The following MNAT1 variants were observed in gnomAD, a reference collection of about 807,000 sequenced individuals.
MNAT1 encodes MNAT1 component of CDK activating kinase, also known as CDK-activating kinase assembly factor MAT1.
MNAT1 carries 43 observed loss-of-function variants against 42.0 expected under a neutral mutation model. That is an observed-to-expected ratio of 1.02 (90% CI 0.80 to 1.32). The LOEUF (loss-of-function observed/expected upper bound fraction) is 1.32, where lower values mean the gene tolerates loss of function less well. Among genes scored for constraint, MNAT1 ranks in the 40% most tolerant of loss-of-function variants. MNAT1 has a pLI of 0.00. For missense variants in MNAT1, 306 were observed against 350.4 expected (o/e 0.87, Z 1.01); for synonymous variants, 118 against 120.0 (o/e 0.98, Z 0.11).
At position 60,920,624 on chromosome 14, in the gene MNAT1, G is replaced by C. The variant is rs140930742; in HGVS notation, c.809+40789G>C. Among the ~76,000 whole-genome samples, 3 of 151,926 alleles carry C rather than the reference G, an allele frequency of 2.0e-5. No individual in the cohort carries two copies. In the East Asian group the frequency reaches 5.8e-4, roughly 29 times the overall value. On this transcript the variant is annotated intron_variant, in intron 7 of 7. Transcript: ENST00000261245. ...CCCAGTTAATTTTTTTGTATTTTTAGTAGAGACAGGGTTTCACCATGTTGG... is the reference window on the plus strand; with the variant it reads ...CCCAGTTAATTTTTTTGTATTTTTACTAGAGACAGGGTTTCACCATGTTGG...
chr14:60,880,225 A>G (rs1211276201), intron 7 of MNAT1, among the ~76,000 whole-genome samples: 1 of 152,302 alleles, frequency 6.6e-6, no homozygotes, highest in Non-Finnish European at 1.5e-5. Flanking sequence ...TGCACTGTCT[A>G]CAGTGAAACT....
intron 6 of MNAT1, among the ~76,000 whole-genome samples, chr14:60,843,941 C>T (rs2033616021): frequency 6.6e-6 from 1 of 152,022 alleles, no homozygotes; most frequent in Non-Finnish European, 1.5e-5. Context: ...GTTCCTGATC[C>T]ATCTTGTATT....
intron 1 of MNAT1, among the ~76,000 whole-genome samples, chr14:60,750,318 CT>C (rs2064503154): frequency 6.6e-6 from 1 of 151,772 alleles, no homozygotes; most frequent in Non-Finnish European, 1.5e-5. Flanking sequence ...GCTTCGCCTC[CT>C]GGGTTCACGG....
At chr14:60,802,931 CTT>C (rs562133472) in intron 3 of MNAT1, among the ~76,000 whole-genome samples, 17 of 133,290 alleles carry the variant, frequency 1.3e-4, no homozygotes, top group Admixed American at 2.3e-4. Context: ...ATAAATAAAA[CTT>C]TTTTTTTTTT....
intron 7 of MNAT1, among the ~76,000 whole-genome samples, chr14:60,932,203 C>T (rs1041822995): frequency 3.9e-5 from 6 of 151,918 alleles, no homozygotes; most frequent in South Asian, 2.1e-4. Context: ...GACTGACATA[C>T]TAGTTTTTAA....
At chr14:60,790,758 A>G (rs1364251746) in intron 1 of MNAT1, among the ~76,000 whole-genome samples, 1 of 152,216 alleles carries the variant, frequency 6.6e-6, no homozygotes, top group East Asian at 1.9e-4. Context: ...TACTAGTTAT[A>G]TGATTTTAAG....
intron 6 of MNAT1, among the ~76,000 whole-genome samples, chr14:60,839,821 C>T (rs1354032022): frequency 6.6e-6 from 1 of 152,256 alleles, no homozygotes. Flanking sequence ...CACCCTGCTG[C>T]AGCAGCTGGC....
intron 7 of MNAT1, among the ~76,000 whole-genome samples, chr14:60,894,475 T>C (rs1270280530): frequency 6.6e-6 from 1 of 152,148 alleles, no homozygotes; most frequent in East Asian, 1.9e-4. Context: ...TGTCTATTTT[T>C]TCCCAGTAAG....
intron 7 of MNAT1, among the ~76,000 whole-genome samples, chr14:60,887,871 A>T (rs1018501490): frequency 6.6e-6 from 1 of 151,938 alleles, no homozygotes; most frequent in Non-Finnish European, 1.5e-5. Flanking sequence ...ATTCCTCGAC[A>T]CACACACCCT....
intron 6 of MNAT1, among the ~76,000 whole-genome samples, chr14:60,872,376 C>A (rs1247374807): frequency 6.6e-6 from 1 of 152,168 alleles, no homozygotes; most frequent in Non-Finnish European, 1.5e-5. Context: ...AAGGGACATG[C>A]ATCCATCCTA....
intron 1 of MNAT1, among the ~76,000 whole-genome samples, chr14:60,793,822 T>G (rs572204606): frequency 6.6e-6 from 1 of 152,296 alleles, no homozygotes; most frequent in East Asian, 1.9e-4. Context: ...TGAGTTATTT[T>G]TCTATATAAT....
chr14:60,904,976 C>CTTTTTTTTT (rs3081651), intron 7 of MNAT1, among the ~76,000 whole-genome samples: 18,762 of 77,998 alleles, frequency 0.24, 4,432 homozygotes, highest in Admixed American at 0.39. Context: ...TCAGCAGTTC[C>CTTTTTTTTT]TTTTTTTTTT....
intron 7 of MNAT1, among the ~76,000 whole-genome samples, chr14:60,913,726 A>C (rs900527759): frequency 3.0e-4 from 45 of 152,264 alleles, no homozygotes; most frequent in African/African-American, 1.1e-3. Flanking sequence ...GTGAGGTGTC[A>C]GTCTGCCCCT....
intron 7 of MNAT1, among the ~76,000 whole-genome samples, chr14:60,897,431 A>G (rs2034979919): frequency 6.6e-6 from 1 of 152,124 alleles, no homozygotes; most frequent in Non-Finnish European, 1.5e-5. Context: ...CTCTAATATG[A>G]TATTTCAGAA....
rs4151390 is a variant in MNAT1 at position 60,950,594 on chromosome 14, T to C, written c.810-17635T>C. Among the ~76,000 whole-genome samples the C allele has an allele frequency of 2.4e-3, 360 of 152,286 alleles. 8 individuals carry two copies. In the East Asian group the frequency reaches 0.042, roughly 18 times the overall value. ...ACTTTCTTAAAACATTATGACTTTT[T>C]GTTTTGTTTTATTTTTAGCTTATTA... On this transcript the variant is annotated intron_variant, in intron 7 of 7. Transcript: ENST00000261245.
chr14:60,896,040 A>G (rs140269751), intron 7 of MNAT1, among the ~76,000 whole-genome samples: 1 of 152,332 alleles, frequency 6.6e-6, no homozygotes, highest in Admixed American at 6.5e-5. Context: ...AACCAAAAGA[A>G]TACTGCGTTG....
chr14:60,902,393 A>G lies in MNAT1; in HGVS notation c.809+22558A>G, dbSNP rs544867632. Among the ~76,000 whole-genome samples the G allele has an allele frequency of 3.3e-5, 5 of 152,290 alleles. No individual in the cohort carries two copies. In the South Asian group the frequency reaches 1.0e-3, roughly 32 times the overall value. On this transcript the variant is annotated intron_variant, in intron 7 of 7. Transcript: ENST00000261245. ...GTAGAATATTGAGGGCCATGTCTAAATTCTGCCTACTACAAGCGAGATAGG... is the reference window on the plus strand; with the variant it reads ...GTAGAATATTGAGGGCCATGTCTAAGTTCTGCCTACTACAAGCGAGATAGG...
Position 60,846,406 on chromosome 14 carries a change from G to T in MNAT1, c.687+27559G>T, listed in dbSNP as rs1233349351. ...TAAGAATTTTTAAAAAATTTTTTTT[G>T]ATTTCCATTTCATTGATCTCCATTC... On this transcript the variant is annotated intron_variant, in intron 6 of 7. Transcript: ENST00000261245. Among the ~76,000 whole-genome samples the T allele has an allele frequency of 4.0e-5, 6 of 151,116 alleles. 1 individual carries two copies. The highest frequency in any genetic ancestry group is 3.9e-4 in the East Asian group (2 of 5,164).
intron 7 of MNAT1, among the ~76,000 whole-genome samples, chr14:60,917,460 C>A (rs1423372540): frequency 6.6e-6 from 1 of 151,930 alleles, no homozygotes; most frequent in Non-Finnish European, 1.5e-5. Context: ...TCCATATATT[C>A]TTGGTTTAGA....
Sources: gnomAD v4.1 joint callset for allele counts (sites outside exome capture counted in the v4.1 genomes callset) on GRCh38, gnomAD v4.1.1 for gene constraint, MANE v1.5 for transcripts, NCBI Gene and HGNC (gene_info 2026-07-23, HGNC 2026-07-21) for gene names.